Variants in HHAT observed in about 807,000 individuals in gnomAD.
HHAT encodes protein-cysteine N-palmitoyltransferase HHAT.
In HHAT, 47 loss-of-function variants were observed where a neutral mutation model predicts 70.8. The ratio of observed to expected loss-of-function variants is 0.66; its 90% CI spans 0.53 to 0.85. The LOEUF (loss-of-function observed/expected upper bound fraction) is 0.85. HHAT is among the 40% of genes least tolerant of loss of function. The pLI is 0.00. For synonymous variants in HHAT, 228 were observed against 247.6 expected (o/e 0.92, Z 0.74); for missense variants, 609 against 604.8 (o/e 1.01, Z -0.07).
chr1:210,434,453 G>A (rs1470443432), intron 7 of HHAT, among the ~76,000 whole-genome samples: 1 of 151,728 alleles, frequency 6.6e-6, no homozygotes, highest in South Asian at 2.1e-4. Flanking sequence ...TTTCCATGTC[G>A]GCCGAGTTCA....
At chr1:210,577,705 T>C (rs962125383) in intron 9 of HHAT, among the ~76,000 whole-genome samples, 2 of 141,038 alleles carry the variant, frequency 1.4e-5, no homozygotes, top group African/African-American at 5.4e-5. Flanking sequence ...TGGAGTACAG[T>C]AGTGCAATCT....
At chr1:210,419,431 T>G (rs1274642088) in intron 7 of HHAT, among the ~76,000 whole-genome samples, 2 of 152,144 alleles carry the variant, frequency 1.3e-5, no homozygotes, top group African/African-American at 4.8e-5. Flanking sequence ...CACGCCCTTT[T>G]CTGAATAAAA....
At chr1:210,578,818 A>G (rs530504639) in intron 9 of HHAT, among the ~76,000 whole-genome samples, 1 of 152,354 alleles carries the variant, frequency 6.6e-6, no homozygotes, top group South Asian at 2.1e-4. Flanking sequence ...GATTTCACTT[A>G]TATGAGGGAT....
At chr1:210,643,296 C>CA (rs909510235) in intron 11 of HHAT, among the ~76,000 whole-genome samples, 3 of 152,042 alleles carry the variant, frequency 2.0e-5, no homozygotes, top group Non-Finnish European at 4.4e-5. Flanking sequence ...TCAGTTTCTA[C>CA]AAAAAAATTT....
chr1:210,592,402 T>C (rs1196538467), intron 10 of HHAT, among the ~76,000 whole-genome samples: 1 of 152,102 alleles, frequency 6.6e-6, no homozygotes, highest in Non-Finnish European at 1.5e-5. Context: ...GTGTCTGTTT[T>C]TGCCCAATAC....
intron 7 of HHAT, among the ~76,000 whole-genome samples, chr1:210,446,149 T>G (rs1346778394): frequency 6.6e-6 from 1 of 152,180 alleles, no homozygotes; most frequent in Non-Finnish European, 1.5e-5. Flanking sequence ...GGTGTGGAAC[T>G]CTGGCCTCGT....
intron 10 of HHAT, among the ~76,000 whole-genome samples, chr1:210,621,435 A>G (rs993093523): frequency 1.3e-5 from 2 of 152,204 alleles, no homozygotes; most frequent in Non-Finnish European, 1.5e-5. Flanking sequence ...ATTTATGTCA[A>G]TTAAGACAAT....
intron 8 of HHAT, among the ~76,000 whole-genome samples, chr1:210,472,897 A>G (rs1289721240): frequency 1.3e-5 from 2 of 152,216 alleles, no homozygotes; most frequent in East Asian, 1.9e-4. Flanking sequence ...GTTATTATCT[A>G]AAGACCTAGA....
chr1:210,402,767 G>A (rs114255703), intron 5 of HHAT, among the ~76,000 whole-genome samples: 183 of 152,316 alleles, frequency 1.2e-3, no homozygotes, highest in African/African-American at 4.3e-3. Context: ...CTGTGGGACT[G>A]GAACTCCTGT....
intron 3 of HHAT, among the ~76,000 whole-genome samples, chr1:210,378,194 A>G (rs1487309047): frequency 2.0e-5 from 3 of 152,054 alleles, no homozygotes; most frequent in Non-Finnish European, 4.4e-5. Context: ...TTGTCTGGAG[A>G]TTTACGGGCC....
intron 6 of HHAT, among the ~76,000 whole-genome samples, chr1:210,417,709 A>C (rs371750237): frequency 6.6e-6 from 1 of 151,984 alleles, no homozygotes; most frequent in South Asian, 2.1e-4. Flanking sequence ...TTTCTCTTCT[A>C]CCAGTCCTGT....
At chr1:210,414,513 A>G (rs2092659336) in intron 6 of HHAT, among the ~76,000 whole-genome samples, 1 of 152,162 alleles carries the variant, frequency 6.6e-6, no homozygotes, top group Admixed American at 6.5e-5. Flanking sequence ...GGGGAAGGAA[A>G]GGAGAAATAA....
At chr1:210,335,943 A>G (rs1429330539) in intron 1 of HHAT, among the ~76,000 whole-genome samples, 1 of 152,072 alleles carries the variant, frequency 6.6e-6, no homozygotes, top group Admixed American at 6.5e-5. Flanking sequence ...ACATGGATGA[A>G]TCTTGTGACA....
intron 7 of HHAT, among the ~76,000 whole-genome samples, chr1:210,418,668 T>C (rs1441435686): frequency 6.6e-6 from 1 of 152,102 alleles, no homozygotes. Flanking sequence ...CAGCTTTGAG[T>C]TCATTCTAAG....
intron 9 of HHAT, among the ~76,000 whole-genome samples, chr1:210,537,771 T>G (rs1479305944): frequency 3.3e-5 from 5 of 152,232 alleles, no homozygotes; most frequent in Admixed American, 3.3e-4. Context: ...TCTTTGAGTG[T>G]GTTGCTTGAG....
chr1:210,564,254 C>T (rs34542042), intron 9 of HHAT, among the ~76,000 whole-genome samples: 18,501 of 152,068 alleles, frequency 0.12, 1,443 homozygotes, highest in Non-Finnish European at 0.18. Flanking sequence ...TGAGCCACCG[C>T]GCCTGGCTTC....
chr1:210,620,521 G>T (rs985755575), intron 10 of HHAT, among the ~76,000 whole-genome samples: 2 of 152,094 alleles, frequency 1.3e-5, no homozygotes, highest in Non-Finnish European at 2.9e-5. Flanking sequence ...CTGTTTCACT[G>T]TGAAAATGAA....
At chr1:210,417,710 C>A (rs1051466360) in intron 6 of HHAT, among the ~76,000 whole-genome samples, 2 of 152,160 alleles carry the variant, frequency 1.3e-5, no homozygotes, top group Non-Finnish European at 2.9e-5. Context: ...TTCTCTTCTA[C>A]CAGTCCTGTG....
chr1:210,607,911 G>A (rs912864988), intron 10 of HHAT, among the ~76,000 whole-genome samples: 9 of 152,086 alleles, frequency 5.9e-5, no homozygotes, highest in Admixed American at 6.6e-5. Flanking sequence ...TTCGAATGTA[G>A]TCTCCCATAC....
Sources: gnomAD v4.1 joint callset for allele counts (sites outside exome capture counted in the v4.1 genomes callset) on GRCh38, gnomAD v4.1.1 for gene constraint, MANE v1.5 for transcripts, NCBI Gene and HGNC (gene_info 2026-07-23, HGNC 2026-07-21) for gene names.